TMEM143: variants seen among roughly 807,000 people sequenced by gnomAD.
TMEM143 encodes transmembrane protein 143.
In TMEM143, 45 loss-of-function variants were observed where a neutral mutation model predicts 40.3. That is an observed-to-expected ratio of 1.12 (90% CI 0.88 to 1.43). The LOEUF is 1.43. TMEM143 is among the 40% of genes most tolerant of loss of function. The pLI is 0.00. For synonymous variants in TMEM143, 299 were observed against 282.7 expected (o/e 1.06, Z -0.58); for missense variants, 620 against 613.4 (o/e 1.01, Z -0.11).
chr19:48,339,449 C>A (rs1290309966), intron 6 of TMEM143, among the ~76,000 whole-genome samples: 5 of 152,208 alleles, frequency 3.3e-5, no homozygotes, highest in Admixed American at 2.6e-4. Flanking sequence ...GCATCCCGCA[C>A]CTTGCTCCCC....
chr19:48,339,208 G>A (rs953974924), intron 6 of TMEM143, among the ~76,000 whole-genome samples: 1 of 152,152 alleles, frequency 6.6e-6, no homozygotes, highest in Non-Finnish European at 1.5e-5. Context: ...GGGTGGGCTG[G>A]GGGTCTAGCC....
intron 2 of TMEM143, 151 bp from the exon 3 acceptor site, chr19:48,360,327 C>A: frequency 1.4e-6 from 1 of 722,474 alleles, no homozygotes; most frequent in Non-Finnish European, 2.3e-6. Flanking sequence ...ACCTGTAATC[C>A]CAGCACTTTG....
intron 1 of TMEM143, 105 bp from the exon 2 acceptor site, chr19:48,363,636 C>G (rs771087656): frequency 6.8e-7 from 1 of 1,478,200 alleles, no homozygotes; most frequent in South Asian, 1.4e-5. Context: ...CCAGGCAGGG[C>G]GCAGAGCCCA....
intron 3 of TMEM143, among the ~76,000 whole-genome samples, 175 bp from the exon 4 acceptor site, chr19:48,345,529 G>T (rs935444752): frequency 6.6e-6 from 1 of 151,664 alleles, no homozygotes; most frequent in African/African-American, 2.4e-5. Context: ...CACGTTCTCC[G>T]CTCACTGCAA....
chr19:48,353,984 A>G (rs1207852603), intron 3 of TMEM143, among the ~76,000 whole-genome samples: 6 of 151,798 alleles, frequency 4.0e-5, no homozygotes, highest in Admixed American at 3.9e-4. Flanking sequence ...TTTGAGACAT[A>G]GTCTCACTCT....
At chr19:48,348,916 C>G (rs1969705061) in intron 3 of TMEM143, among the ~76,000 whole-genome samples, 1 of 152,166 alleles carries the variant, frequency 6.6e-6, no homozygotes, top group South Asian at 2.1e-4. Context: ...TTGCTCATGC[C>G]TGTAATCCCA....
chr19:48,357,510 C>T lies in TMEM143; in HGVS notation c.369+2562G>A, dbSNP rs113057626. On this transcript the variant is annotated intron_variant, in intron 3 of 7. Transcript: ENST00000293261. ...CTGGGACTACAGGCGCCCGCCACCA[C>T]GCCCGGCTAATTTTTTTTTGTATTT... Among the ~76,000 whole-genome samples, 1,371 of 151,914 alleles carry T rather than the reference C, an allele frequency of 9.0e-3. 29 individuals are homozygous for T. Among genetic ancestry groups the T allele is most frequent in the African/African-American group, 0.031 (1,293 of 41,426 alleles).
At chr19:48,343,235 C>T (rs1209670240) in intron 5 of TMEM143, 86 bp downstream of exon 5, 1 of 1,492,222 alleles carries the variant, frequency 6.7e-7, no homozygotes, top group Non-Finnish European at 8.9e-7. Context: ...GGCCCAGACA[C>T]CCAAACCAGA....
intron 6 of TMEM143, among the ~76,000 whole-genome samples, chr19:48,334,646 T>C (rs1969328060): frequency 6.7e-6 from 1 of 148,748 alleles, no homozygotes. Context: ...CAGTGGCTAT[T>C]CACAGGCAAA....
chr19:48,350,599 G>A (rs954532050), intron 3 of TMEM143, among the ~76,000 whole-genome samples: 4 of 152,044 alleles, frequency 2.6e-5, no homozygotes, highest in Non-Finnish European at 5.9e-5. Context: ...ACCTGGCACC[G>A]GGCCTCGCAC....
chr19:48,349,157 A>T (rs1268914190), intron 3 of TMEM143, among the ~76,000 whole-genome samples: 3 of 152,138 alleles, frequency 2.0e-5, no homozygotes, highest in Admixed American at 2.0e-4. Context: ...ACAGCTTGGC[A>T]CTCCAGCCTG....
chr19:48,354,264 CTTT>C (rs71181682), intron 3 of TMEM143, among the ~76,000 whole-genome samples: 2,355 of 110,282 alleles, frequency 0.021, 53 homozygotes, highest in African/African-American at 0.075. Context: ...CAGACTTTTT[CTTT>C]TTTTTTTTTT....
At chr19:48,344,236 G>A (rs902955658) in intron 4 of TMEM143, among the ~76,000 whole-genome samples, 1 of 151,088 alleles carries the variant, frequency 6.6e-6, no homozygotes, top group Non-Finnish European at 1.5e-5. Flanking sequence ...GCTTTTAGGG[G>A]CTTGGTTTTT....
chr19:48,344,867 T>C (rs1158394559), intron 4 of TMEM143, among the ~76,000 whole-genome samples: 1 of 152,072 alleles, frequency 6.6e-6, no homozygotes, highest in African/African-American at 2.4e-5. Flanking sequence ...CCACCATGCC[T>C]GGATAATTTT....
chr19:48,334,029 C>T lies in TMEM143; in HGVS notation c.1144G>A (p.Gly382Ser), dbSNP rs1248489149. The change falls in exon 7 of 8, where the codon GGC (glycine) becomes AGC (serine). Residue 382 changes from glycine (G) to serine (S), a missense_variant. By Grantham distance (56) the Gly-to-Ser change is moderately conservative. Coordinates refer to ENST00000293261, the MANE Select transcript of TMEM143 (RefSeq NM_018273.4). ...AHSFLARRPG[G>S]TQGSPEETSR... Reference sequence around the variant, plus strand: ...CTACCTTCGGGCGAGCCTTGAGTGCCCCCTGGCCGCCGGGCCAGGAAGCTG... The same window carrying T: ...CTACCTTCGGGCGAGCCTTGAGTGCTCCCTGGCCGCCGGGCCAGGAAGCTG... 2 of 1,561,084 alleles carry T rather than the reference C, an allele frequency of 1.3e-6. No homozygotes were observed. The highest frequency in any genetic ancestry group is 1.7e-6 in the Non-Finnish European group (2 of 1,156,182).
chr19:48,348,767 C>G (rs1969701586), intron 3 of TMEM143, among the ~76,000 whole-genome samples: 1 of 152,160 alleles, frequency 6.6e-6, no homozygotes, highest in African/African-American at 2.4e-5. Context: ...CAATCTCCTG[C>G]TAAAACCCTC....
chr19:48,356,417 C>G (rs1363344343), intron 3 of TMEM143, among the ~76,000 whole-genome samples: 1 of 142,778 alleles, frequency 7.0e-6, no homozygotes, highest in African/African-American at 2.6e-5. Flanking sequence ...TGAGTCACCA[C>G]GCCCGGCCCT....
At chr19:48,363,103 C>G (rs1600932667) in intron 2 of TMEM143, among the ~76,000 whole-genome samples, 188 bp downstream of exon 2, 1 of 152,360 alleles carries the variant, frequency 6.6e-6, no homozygotes, top group Admixed American at 6.5e-5. Context: ...GATGCTGCGT[C>G]TGCATCTCGG....
At position 48,332,550 on chromosome 19, in the gene TMEM143, G is replaced by A. The variant is rs533553915; in HGVS notation, c.*669C>T. On this transcript the variant is annotated 3_prime_UTR_variant, in exon 8 of 8. Coordinates refer to ENST00000293261, the MANE Select transcript of TMEM143 (RefSeq NM_018273.4). ...GTTGGGAGCGAGTCTTGGTGGCGAG[G>A]GTGGTTTCTGGTTCACCTACCTAGC... 2 of 152,180 alleles carry A rather than the reference G, an allele frequency of 1.3e-5. No homozygotes were observed. The highest frequency in any genetic ancestry group is 2.9e-5 in the Non-Finnish European group (2 of 68,040). The allele number at this position is 152,180 out of a possible 1,614,324, so 9.4% of individuals were successfully genotyped here.
Sources: allele counts gnomAD v4.1 joint callset (sites outside exome capture counted in the v4.1 genomes callset), GRCh38; gene constraint gnomAD v4.1.1; transcripts MANE v1.5; gene names NCBI Gene and HGNC (gene_info 2026-07-23, HGNC 2026-07-21).